BLNK: variants seen among roughly 807,000 people sequenced by gnomAD.
BLNK encodes the protein B-cell linker protein.
BLNK carries 29 observed loss-of-function variants against 73.5 expected under a neutral mutation model. That is an observed-to-expected ratio of 0.39 (90% CI 0.29 to 0.54). The LOEUF (loss-of-function observed/expected upper bound fraction) is 0.54. BLNK is among the 20% of genes least tolerant of loss of function. The pLI, the probability that BLNK is intolerant of heterozygous loss-of-function variation, is 0.61. For synonymous variants in BLNK, 176 were observed against 200.8 expected (o/e 0.88, Z 1.04); for missense variants, 460 against 562.8 (o/e 0.82, Z 1.85).
intron 1 of BLNK, among the ~76,000 whole-genome samples, chr10:96,268,322 A>G (rs1844108864): frequency 6.6e-6 from 1 of 152,232 alleles, no homozygotes; most frequent in Non-Finnish European, 1.5e-5. Flanking sequence ...TCCCCTAGAA[A>G]GGTGAAATTT....
At chr10:96,226,936 C>T (rs1842293265) in intron 5 of BLNK, among the ~76,000 whole-genome samples, 1 of 152,106 alleles carries the variant, frequency 6.6e-6, no homozygotes, top group Admixed American at 6.5e-5. Context: ...CCTGTATCCC[C>T]TGGTAAAACC....
At chr10:96,206,061 C>T (rs894177898) in intron 11 of BLNK, among the ~76,000 whole-genome samples, 3 of 152,030 alleles carry the variant, frequency 2.0e-5, no homozygotes, top group African/African-American at 7.2e-5. Flanking sequence ...TCAGAAATAG[C>T]CTAGGGAAGC....
intron 16 of BLNK, among the ~76,000 whole-genome samples, chr10:96,193,893 C>T (rs916180698): frequency 2.0e-5 from 3 of 152,168 alleles, no homozygotes; most frequent in Non-Finnish European, 2.9e-5. Flanking sequence ...CTTTAATTTT[C>T]CATTCAGATG....
intron 7 of BLNK, 99 bp downstream of exon 7, chr10:96,216,554 C>G: frequency 9.5e-7 from 1 of 1,049,168 alleles, no homozygotes. Context: ...GTCCTGGGCA[C>G]TGTCATTTCT....
chr10:96,229,114 T>C (rs1591332187), intron 4 of BLNK, among the ~76,000 whole-genome samples: 1 of 152,192 alleles, frequency 6.6e-6, no homozygotes, highest in East Asian at 1.9e-4. Flanking sequence ...TTAGTTATTT[T>C]TAAATGCACA....
In BLNK at chr10:96,190,403, T is replaced by C. The variant is rs1390058184; in HGVS notation, c.*1570A>G. On this transcript the variant is annotated 3_prime_UTR_variant, in exon 17 of 17. Coordinates refer to ENST00000224337, the MANE Select transcript of BLNK (RefSeq NM_013314.4). Reference sequence around the variant, plus strand: ...TTTTATAAGGACACCAGCCATTGTATTAAGGCCCACCCTACTGACCTCATC... The same window carrying C: ...TTTTATAAGGACACCAGCCATTGTACTAAGGCCCACCCTACTGACCTCATC... Among the ~76,000 whole-genome samples the C allele has an allele frequency of 2.0e-5, 3 of 152,222 alleles. No homozygotes were observed. Among genetic ancestry groups the C allele is most frequent in the Non-Finnish European group, 4.4e-5 (3 of 68,048 alleles).
At chr10:96,217,030 T>A (rs1564825297) in intron 6 of BLNK, among the ~76,000 whole-genome samples, 1 of 152,192 alleles carries the variant, frequency 6.6e-6, no homozygotes, top group Non-Finnish European at 1.5e-5. Context: ...TCTCTATAGA[T>A]TTTGCCCATT....
chr10:96,218,204 G>A (rs1335288817), intron 6 of BLNK, among the ~76,000 whole-genome samples: 1 of 152,236 alleles, frequency 6.6e-6, no homozygotes, highest in Non-Finnish European at 1.5e-5. Context: ...CTGGTGGGCA[G>A]CCAAGAAGGG....
At chr10:96,199,448 A>C (rs1554895499) in intron 15 of BLNK, 1 of 454,726 alleles carries the variant, frequency 2.2e-6, no homozygotes, top group South Asian at 1.6e-5. Flanking sequence ...TCCTCAGTGG[A>C]GCTCATGCAG....
chr10:96,257,703 G>A (rs1221765415), intron 1 of BLNK, among the ~76,000 whole-genome samples: 1 of 152,222 alleles, frequency 6.6e-6, no homozygotes, highest in Non-Finnish European at 1.5e-5. Flanking sequence ...ATGCTTTGCT[G>A]TTTTATACAT....
intron 1 of BLNK, among the ~76,000 whole-genome samples, chr10:96,259,670 CTTTTTTT>C (rs57821919): frequency 1.8e-4 from 8 of 44,870 alleles, no homozygotes; most frequent in African/African-American, 5.8e-4. Context: ...CACACCCTAC[CTTTTTTT>C]TTTTTTTTTT....
chr10:96,248,527 A>T (rs72811038), intron 1 of BLNK, among the ~76,000 whole-genome samples: 6,456 of 152,342 alleles, frequency 0.042, 169 homozygotes, highest in Middle Eastern at 0.071. Flanking sequence ...TTACAATCAA[A>T]TCTGTCAAGA....
intron 6 of BLNK, among the ~76,000 whole-genome samples, chr10:96,222,128 A>C (rs1037317263): frequency 1.3e-5 from 2 of 152,240 alleles, no homozygotes; most frequent in African/African-American, 2.4e-5. Flanking sequence ...AGTGCTGTAC[A>C]TATGTTCTTT....
intron 11 of BLNK, 124 bp downstream of exon 11, chr10:96,206,887 G>C: frequency 9.4e-7 from 1 of 1,067,132 alleles, no homozygotes; most frequent in Non-Finnish European, 1.4e-6. Flanking sequence ...AAACTATTTT[G>C]TTTAGAAAAT....
chr10:96,191,854 C>T lies in BLNK; in HGVS notation c.*119G>A. The stretch of plus-strand genomic sequence containing the variant: ...TGACCACTTCAATAGCTGACTCCAT[C>T]TTCCATTTTATTACTGGATGATTCA... On this transcript the variant is annotated 3_prime_UTR_variant, in exon 17 of 17. Transcript: ENST00000224337. 7.2e-7 allele frequency: 1 copy of T among 1,388,398 alleles called. No individual in the cohort carries two copies. The highest frequency in any genetic ancestry group is 1.0e-6 in the Non-Finnish European group (1 of 986,486). The allele number at this position is 1,388,398 out of a possible 1,614,324, so 86.0% of individuals were successfully genotyped here.
chr10:96,243,028 AGGT>A (rs1842928829), intron 2 of BLNK, among the ~76,000 whole-genome samples: 1 of 152,218 alleles, frequency 6.6e-6, no homozygotes, highest in African/African-American at 2.4e-5. Flanking sequence ...AGGTGAAGTC[AGGT>A]GGAGAAGGGC....
At chr10:96,236,434 C>T (rs797024812) in intron 3 of BLNK, among the ~76,000 whole-genome samples, 3 of 152,248 alleles carry the variant, frequency 2.0e-5, no homozygotes, top group African/African-American at 7.2e-5. Flanking sequence ...ACCAGTGCCG[C>T]CCTAAGAGGA....
intron 12 of BLNK, 62 bp downstream of exon 12, chr10:96,204,470 A>G (rs2053153370): frequency 6.6e-7 from 1 of 1,510,544 alleles, no homozygotes; most frequent in Non-Finnish European, 9.2e-7. Context: ...CAGTGAAACA[A>G]TGCACATGTT....
chr10:96,236,523 A>G (rs1842696961), intron 3 of BLNK, among the ~76,000 whole-genome samples: 1 of 152,176 alleles, frequency 6.6e-6, no homozygotes, highest in Non-Finnish European at 1.5e-5. Context: ...TCTGAGTCTA[A>G]ATACTTAACA....
Sources: allele counts gnomAD v4.1 joint callset (sites outside exome capture counted in the v4.1 genomes callset), GRCh38; gene constraint gnomAD v4.1.1; transcripts MANE v1.5; gene names NCBI Gene and HGNC (gene_info 2026-07-23, HGNC 2026-07-21).